Variants in MAGI2 observed in about 807,000 individuals in gnomAD.
MAGI2 encodes the protein membrane associated guanylate kinase, WW and PDZ domain containing 2, also known as membrane-associated guanylate kinase, WW and PDZ domain-containing protein 2.
A neutral mutation model predicts 133.3 loss-of-function variants in MAGI2; 35 were observed. That is an observed-to-expected ratio of 0.26 (90% confidence interval 0.20 to 0.35). MAGI2 has a LOEUF of 0.35. Among genes scored for constraint, MAGI2 ranks in the 10% least tolerant of loss-of-function variants. The probability of loss-of-function intolerance (pLI) is 1.00; values close to 1 mark genes in which losing one functional copy is unlikely to be tolerated. For missense variants in MAGI2, 1,636 were observed against 1,863.4 expected, an observed-to-expected ratio of 0.88 and a Z score of 2.25; for synonymous variants, 729 against 710.6, an observed-to-expected ratio of 1.03 and a Z score of -0.41.
intron 2 of MAGI2, among the ~76,000 whole-genome samples, chr7:78,709,556 T>C (rs753594520): frequency 1.3e-5 from 2 of 152,182 alleles, no homozygotes; most frequent in Non-Finnish European, 2.9e-5. Flanking sequence ...ATCACTTCAG[T>C]TCACGTTTAT....
chr7:78,346,700 A>AT (rs1790947968), intron 7 of MAGI2, among the ~76,000 whole-genome samples: 1 of 152,210 alleles, frequency 6.6e-6, no homozygotes. Flanking sequence ...CTGAGAGCTT[A>AT]TAGTCCAAGC....
chr7:78,283,282 T>A (rs1194510111), intron 9 of MAGI2, among the ~76,000 whole-genome samples: 1 of 152,160 alleles, frequency 6.6e-6, no homozygotes, highest in African/African-American at 2.4e-5. Flanking sequence ...CCTTCTTCAA[T>A]AAAGAATTTC....
intron 6 of MAGI2, among the ~76,000 whole-genome samples, chr7:78,387,353 T>C (rs113261106): frequency 2.0e-5 from 3 of 152,212 alleles, no homozygotes; most frequent in African/African-American, 7.2e-5. Flanking sequence ...CCAGGAAAGA[T>C]AGCAAACAGC....
intron 16 of MAGI2, among the ~76,000 whole-genome samples, chr7:78,138,370 A>G (rs1284376819): frequency 2.0e-5 from 3 of 152,158 alleles, no homozygotes; most frequent in South Asian, 2.1e-4. Flanking sequence ...AGAGAAGAGG[A>G]GAGGAAATTG....
chr7:79,127,337 A>C (rs1402678469), intron 1 of MAGI2, among the ~76,000 whole-genome samples: 1 of 152,126 alleles, frequency 6.6e-6, no homozygotes. Context: ...GCTGGGTCAA[A>C]TGGTATTTCT....
intron 2 of MAGI2, among the ~76,000 whole-genome samples, chr7:78,882,086 C>CAAAA (rs771918590): frequency 0.031 from 388 of 12,452 alleles, 66 homozygotes; most frequent in Non-Finnish European, 0.041. Flanking sequence ...ACAACAACAA[C>CAAAA]AAAAAAAAAA....
intron 2 of MAGI2, among the ~76,000 whole-genome samples, chr7:78,990,527 A>G (rs1562758147): frequency 2.0e-5 from 3 of 152,000 alleles, no homozygotes; most frequent in Non-Finnish European, 2.9e-5. Flanking sequence ...GCTGCCATCT[A>G]TTCAACCCCA....
At chr7:78,660,711 T>C (rs1420561963) in intron 2 of MAGI2, among the ~76,000 whole-genome samples, 1 of 152,234 alleles carries the variant, frequency 6.6e-6, no homozygotes, top group Admixed American at 6.5e-5. Flanking sequence ...ATCTTTTTAC[T>C]TAGAACATTT....
chr7:78,573,377 T>TATATATATATATAC (rs1801922800), intron 3 of MAGI2, among the ~76,000 whole-genome samples: 1 of 17,996 alleles, frequency 5.6e-5, no homozygotes, highest in Non-Finnish European at 1.1e-4. Flanking sequence ...TATATATATA[T>TATATATATATATAC]ATATATATAT....
chr7:78,318,577 T>C (rs1088553), intron 9 of MAGI2, among the ~76,000 whole-genome samples: 76,914 of 151,990 alleles, frequency 0.51, 21,612 homozygotes, highest in African/African-American at 0.76. Context: ...CTTCCCCAAC[T>C]TAGCAAGACA....
intron 1 of MAGI2, among the ~76,000 whole-genome samples, chr7:79,386,182 A>AT (rs1162329715): frequency 6.6e-6 from 1 of 151,994 alleles, no homozygotes; most frequent in Non-Finnish European, 1.5e-5. Flanking sequence ...TACATTTTTA[A>AT]TATAAAACTT....
At chr7:78,340,131 T>C (rs745801613) in intron 9 of MAGI2, among the ~76,000 whole-genome samples, 18 of 152,340 alleles carry the variant, frequency 1.2e-4, no homozygotes, top group South Asian at 4.1e-4. Flanking sequence ...TCTCTAATTT[T>C]TGTATCTATT....
At chr7:78,324,054 G>T (rs906351060) in intron 9 of MAGI2, among the ~76,000 whole-genome samples, 1 of 152,046 alleles carries the variant, frequency 6.6e-6, no homozygotes, top group Non-Finnish European at 1.5e-5. Flanking sequence ...AAAAGGGAAT[G>T]GACTTTTATC....
chr7:78,189,569 G>A (rs940988838), intron 12 of MAGI2, among the ~76,000 whole-genome samples: 1 of 152,158 alleles, frequency 6.6e-6, no homozygotes, highest in Non-Finnish European at 1.5e-5. Context: ...TGGACATGGT[G>A]TACCTCATAA....
chr7:78,361,834 A>C (rs1443848471), intron 7 of MAGI2, among the ~76,000 whole-genome samples: 1 of 152,158 alleles, frequency 6.6e-6, no homozygotes, highest in Middle Eastern at 3.2e-3. Flanking sequence ...TAGAGAGCAA[A>C]TGTCGATTCT....
intron 1 of MAGI2, among the ~76,000 whole-genome samples, chr7:79,045,354 T>C (rs1812075206): frequency 6.6e-6 from 1 of 152,222 alleles, no homozygotes; most frequent in Non-Finnish European, 1.5e-5. Flanking sequence ...ATGAGTGCAT[T>C]TTATTATTTG....
intron 6 of MAGI2, among the ~76,000 whole-genome samples, chr7:78,441,236 T>C (rs908383120): frequency 4.6e-5 from 7 of 152,198 alleles, no homozygotes; most frequent in African/African-American, 1.7e-4. Context: ...TTGGATTACA[T>C]ACATAACCTT....
intron 1 of MAGI2, among the ~76,000 whole-genome samples, chr7:79,215,514 A>G (rs1414127953): frequency 6.6e-6 from 1 of 151,884 alleles, no homozygotes; most frequent in South Asian, 2.1e-4. Flanking sequence ...GGTCTCCACA[A>G]CCCCTTATCT....
intron 9 of MAGI2, among the ~76,000 whole-genome samples, chr7:78,261,315 A>T (rs1793498012): frequency 6.6e-6 from 1 of 152,114 alleles, no homozygotes; most frequent in African/African-American, 2.4e-5. Flanking sequence ...CTTTACCCTC[A>T]AGAGCACTTC....
Sources: gnomAD v4.1 joint callset for allele counts (sites outside exome capture counted in the v4.1 genomes callset) on GRCh38, gnomAD v4.1.1 for gene constraint, MANE v1.5 for transcripts, NCBI Gene and HGNC (gene_info 2026-07-23, HGNC 2026-07-21) for gene names.